PRRC2C: variants seen among roughly 807,000 people sequenced by gnomAD.
PRRC2C encodes the protein protein PRRC2C.
PRRC2C carries 72 observed loss-of-function variants against 317.2 expected under a neutral mutation model. That is an observed-to-expected ratio of 0.23 (90% CI 0.19 to 0.28). The LOEUF is 0.28. Ranked by LOEUF, PRRC2C falls within the 10% of genes least tolerant of loss-of-function variation. The pLI is 1.00. For missense variants in PRRC2C, 3,074 were observed against 3,459.7 expected, an observed-to-expected ratio of 0.89 and a Z score of 2.80; for synonymous variants, 1,296 against 1,205.9, an observed-to-expected ratio of 1.07 and a Z score of -1.55.
chr1:171,539,401 C>T (rs1677517010), intron 15 of PRRC2C, among the ~76,000 whole-genome samples: 1 of 152,228 alleles, frequency 6.6e-6, no homozygotes, highest in African/African-American at 2.4e-5. Flanking sequence ...TAACTGTAAG[C>T]AGTGTTATAC....
chr1:171,491,639 T>A (rs1220164795), intron 1 of PRRC2C, among the ~76,000 whole-genome samples: 1 of 152,202 alleles, frequency 6.6e-6, no homozygotes, highest in Non-Finnish European at 1.5e-5. Context: ...AGCTTTGAAC[T>A]TTTTGCTGAG....
At chr1:171,518,791 C>T (rs1427856334) in intron 6 of PRRC2C, among the ~76,000 whole-genome samples, 1 of 150,980 alleles carries the variant, frequency 6.6e-6, no homozygotes, top group East Asian at 1.9e-4. Context: ...ACATGAGCCA[C>T]CTCACTTGGC....
In PRRC2C at chr1:171,541,654, T is replaced by C; in HGVS notation, c.4188T>C (p.His1396=). The C allele has an allele frequency of 6.2e-7, 1 of 1,613,804 alleles. No individual in the cohort carries two copies. Among genetic ancestry groups the C allele is most frequent in the South Asian group, 1.1e-5 (1 of 91,074 alleles). Residue 1396 remains histidine, a synonymous_variant, in exon 16 of 35, where the codon CAT becomes CAC. Coordinates refer to ENST00000647382, the MANE Select transcript of PRRC2C (RefSeq NM_001387844.1). The surrounding 1 kb of genome is among the most constrained non-coding windows in gnomAD (Gnocchi z 4.1). ...AAGATGGAGAGCCGCCAAGAAGACA[T>C]GAGCAGTTTATTCCTATAGCAGCAG... ...KPEDGEPPRR[H]EQFIPIAADK... is the part of the protein sequence containing the mutation.
chr1:171,546,668 C>T lies in PRRC2C; in HGVS notation c.4972+981C>T, dbSNP rs530937819. 1.6e-4 allele frequency among the ~76,000 whole-genome samples: 25 copies of T among 152,284 alleles called. 1 individual carries two copies. The South Asian group carries it at 2.5e-3, about 15-fold the overall frequency. On this transcript the variant is annotated intron_variant, in intron 17 of 34. Coordinates refer to ENST00000647382, the MANE Select transcript of PRRC2C (RefSeq NM_001387844.1). ...AGGCTGGTGTACAGTGATGCAATCT[C>T]GGCTCACTGCAACATCTGCATCCCA...
Position 171,517,694 on chromosome 1 carries a change from A to C in PRRC2C, c.630A>C (p.Ser210=). The C allele has an allele frequency of 6.2e-7, 1 of 1,613,738 alleles. No homozygotes were observed. Among genetic ancestry groups the C allele is most frequent in the South Asian group, 1.1e-5 (1 of 91,070 alleles). Residue 210 remains serine, a synonymous_variant, in exon 6 of 35, where the codon TCA becomes TCC. Coordinates refer to ENST00000647382, the MANE Select transcript of PRRC2C (RefSeq NM_001387844.1). ...PGQDESTAGT[S]EQNDILKVVE... The stretch of plus-strand genomic sequence containing the variant: ...AGGATGAAAGCACAGCTGGAACATC[A>C]GAGCAAAATGATATCCTCAAAGTGG...
At chr1:171,580,581 A>G (rs6700099) in intron 28 of PRRC2C, among the ~76,000 whole-genome samples, 5 of 152,214 alleles carry the variant, frequency 3.3e-5, no homozygotes, top group Non-Finnish European at 5.9e-5. Context: ...TCTTCACACA[A>G]CCACCTAAGA....
At position 171,545,619 on chromosome 1, in the gene PRRC2C, A is replaced by G; in HGVS notation, c.4904A>G (p.Lys1635Arg). The G allele has an allele frequency of 6.2e-7, 1 of 1,613,062 alleles. No individual in the cohort carries two copies. The highest frequency in any genetic ancestry group is 8.5e-7 in the Non-Finnish European group (1 of 1,179,504). ...DSTGKKREDP[K>R]PGPKKPKEKV... ...ACTGGGAAAAAAAGAGAAGACCCCA[A>G]ACCAGGCCCTAAAAAACCAAAAGAG... Residue 1635 changes from lysine to arginine, a missense_variant, in exon 17 of 35, where the codon AAA (lysine) becomes AGA (arginine). Physicochemically the swap from Lys to Arg is conservative, Grantham distance 26 (BLOSUM62 2). This residue lies in a region of PRRC2C where 178 missense variants were observed against 163.0 expected (regional missense o/e 1.09). Coordinates refer to ENST00000647382, the MANE Select transcript of PRRC2C (RefSeq NM_001387844.1).
At chr1:171,560,838 T>G (rs573403796) in intron 19 of PRRC2C, among the ~76,000 whole-genome samples, 180 bp from the exon 20 acceptor site, 142 of 152,234 alleles carry the variant, frequency 9.3e-4, no homozygotes, top group Non-Finnish European at 1.6e-3. Context: ...CCCACAATGT[T>G]TCTGGGGTAT....
At position 171,579,976 on chromosome 1, in the gene PRRC2C, A is replaced by G; in HGVS notation, c.7409+12A>G. The G allele has an allele frequency of 2.0e-6, 3 of 1,498,424 alleles. No individual in the cohort carries two copies. Among genetic ancestry groups the G allele is most frequent in the Non-Finnish European group, 1.8e-6 (2 of 1,124,200 alleles). The allele number at this position is 1,498,424 out of a possible 1,614,324, so 92.8% of individuals were successfully genotyped here. On this transcript the variant is annotated intron_variant, in intron 28 of 34. Coordinates refer to ENST00000647382, the MANE Select transcript of PRRC2C (RefSeq NM_001387844.1). ...CTTCAACCATATAGGTAAATGCTTTAAAAGTTATGTTTGTAATGATGTTGA... is the reference window on the plus strand; with the variant it reads ...CTTCAACCATATAGGTAAATGCTTTGAAAGTTATGTTTGTAATGATGTTGA...
chr1:171,539,391 T>G (rs1448090483), intron 15 of PRRC2C, among the ~76,000 whole-genome samples: 2 of 152,214 alleles, frequency 1.3e-5, no homozygotes, highest in African/African-American at 4.8e-5. Flanking sequence ...ACCATGTAGT[T>G]AACTGTAAGC....
chr1:171,589,164 G>C (rs1650765182), intron 33 of PRRC2C, among the ~76,000 whole-genome samples: 1 of 152,096 alleles, frequency 6.6e-6, no homozygotes, highest in Non-Finnish European at 1.5e-5. Flanking sequence ...AGCATGCTTT[G>C]CCTAGTTTTT....
At chr1:171,576,704 T>G (rs1317518078) in intron 25 of PRRC2C, among the ~76,000 whole-genome samples, 4 of 152,182 alleles carry the variant, frequency 2.6e-5, no homozygotes, top group African/African-American at 7.2e-5. Context: ...TTTTTTTTGT[T>G]TTTTAAGAGT....
rs1253625606 is a variant in PRRC2C, at chr1:171,587,106, A to G, written c.7853A>G (p.His2618Arg). ...LPQTLQPPLQ[H>R]TTPQAQAQSL... ...CAGACTCTTCAGCCCCCATTACAGC[A>G]TACCACTCCCCAAGCACAGGCTCAG... Residue 2618 changes from histidine (H) to arginine (R), a missense_variant, in exon 31 of 35, where the codon CAT becomes CGT. Transcript: ENST00000647382. The G allele has an allele frequency of 1.2e-6, 2 of 1,611,912 alleles. No homozygotes were observed. Among genetic ancestry groups the G allele is most frequent in the Non-Finnish European group, 1.7e-6 (2 of 1,179,180 alleles).
chr1:171,586,921 T>G (rs900905825), intron 30 of PRRC2C, 82 bp from the exon 31 acceptor site: 5 of 1,054,288 alleles, frequency 4.7e-6, no homozygotes, highest in Non-Finnish European at 7.0e-6. Context: ...CAAAAGTATT[T>G]GAAGAGTTGT....
At chr1:171,503,897 C>G (rs915940739) in intron 1 of PRRC2C, among the ~76,000 whole-genome samples, 1 of 152,142 alleles carries the variant, frequency 6.6e-6, no homozygotes, top group African/African-American at 2.4e-5. Flanking sequence ...AGGGAAACTT[C>G]CCTTTATAAA....
chr1:171,487,291 T>C (rs980377772), intron 1 of PRRC2C, among the ~76,000 whole-genome samples: 2 of 152,186 alleles, frequency 1.3e-5, no homozygotes, highest in African/African-American at 4.8e-5. Flanking sequence ...ATAGCAGTTA[T>C]TGGTGGTATT....
intron 28 of PRRC2C, among the ~76,000 whole-genome samples, chr1:171,582,543 G>T (rs1461501683): frequency 6.6e-6 from 1 of 152,178 alleles, no homozygotes; most frequent in Non-Finnish European, 1.5e-5. Flanking sequence ...CTAGGCTGTA[G>T]AGTACAGCCT....
intron 6 of PRRC2C, among the ~76,000 whole-genome samples, chr1:171,519,844 A>G (rs1673213068): frequency 6.6e-6 from 1 of 152,088 alleles, no homozygotes; most frequent in Non-Finnish European, 1.5e-5. Flanking sequence ...ATGAATTTGT[A>G]TGTTATTTTT....
chr1:171,591,533 G>C (rs1651438913), intron 34 of PRRC2C, 54 bp from the exon 35 acceptor site: 3 of 1,577,042 alleles, frequency 1.9e-6, no homozygotes, highest in Non-Finnish European at 2.6e-6. Flanking sequence ...AGATTGATTT[G>C]ACAGGCTTTG....
Sources: gnomAD v4.1 joint callset for allele counts (sites outside exome capture counted in the v4.1 genomes callset) on GRCh38, gnomAD v4.1.1 for gene constraint, gnomAD v4.1.1 regional missense constraint, Gnocchi (gnomAD v3.1) non-coding constraint, MANE v1.5 for transcripts, NCBI Gene and HGNC (gene_info 2026-07-23, HGNC 2026-07-21) for gene names.